Variants in CPE observed in about 807,000 individuals in gnomAD.
The protein encoded by CPE is carbocypeptidase E.
A neutral mutation model predicts 53.5 loss-of-function variants in CPE; 17 were observed. That is an observed-to-expected ratio of 0.32 (90% confidence interval 0.22 to 0.48). The LOEUF is 0.48. CPE is among the 20% of genes least tolerant of loss of function. The pLI is 0.99. For synonymous variants in CPE, 226 were observed against 228.8 expected (o/e 0.99, Z 0.11); for missense variants, 524 against 614.7 (o/e 0.85, Z 1.56).
intron 1 of CPE, among the ~76,000 whole-genome samples, chr4:165,461,520 G>A (rs565223803): frequency 6.6e-6 from 1 of 152,224 alleles, no homozygotes; most frequent in East Asian, 1.9e-4. Flanking sequence ...GTTTTAAAAA[G>A]AAAGCTTTGG....
intron 3 of CPE, among the ~76,000 whole-genome samples, chr4:165,473,014 G>A (rs2126705799): frequency 6.6e-6 from 1 of 152,334 alleles, no homozygotes; most frequent in African/African-American, 2.4e-5. Flanking sequence ...TAGGGGGCAT[G>A]GGTAACTCTG....
intron 1 of CPE, among the ~76,000 whole-genome samples, chr4:165,437,188 GA>G (rs1353967518): frequency 1.3e-5 from 2 of 152,280 alleles, no homozygotes; most frequent in African/African-American, 4.8e-5. Context: ...GCTCATATCT[GA>G]AACAGTTGCT....
intron 3 of CPE, among the ~76,000 whole-genome samples, chr4:165,480,359 G>T (rs1732383794): frequency 1.3e-5 from 2 of 152,178 alleles, no homozygotes; most frequent in African/African-American, 4.8e-5. Flanking sequence ...TTTTGGTCAA[G>T]TCATTCAATT....
chr4:165,494,482 G>C (rs1186808118), intron 7 of CPE, among the ~76,000 whole-genome samples: 1 of 152,186 alleles, frequency 6.6e-6, no homozygotes, highest in Non-Finnish European at 1.5e-5. Flanking sequence ...AGAAAATGAA[G>C]TGTGTTGTCC....
chr4:165,390,854 T>C (rs1579239613), intron 1 of CPE, among the ~76,000 whole-genome samples: 2 of 152,312 alleles, frequency 1.3e-5, no homozygotes, highest in South Asian at 4.1e-4. Flanking sequence ...GGTTGTATGT[T>C]GAGGACAACT....
At chr4:165,380,103 A>G (rs560276029) in intron 1 of CPE, among the ~76,000 whole-genome samples, 1 of 152,246 alleles carries the variant, frequency 6.6e-6, no homozygotes, top group Non-Finnish European at 1.5e-5. Flanking sequence ...GTGTGTGTAT[A>G]CGTATTAGGT....
chr4:165,461,392 G>A (rs953672909), intron 1 of CPE, among the ~76,000 whole-genome samples: 1 of 151,994 alleles, frequency 6.6e-6, no homozygotes, highest in Admixed American at 6.6e-5. Flanking sequence ...GCCTTGAGAG[G>A]CACCACGCCA....
At chr4:165,384,794 A>T (rs1730562324) in intron 1 of CPE, among the ~76,000 whole-genome samples, 1 of 152,234 alleles carries the variant, frequency 6.6e-6, no homozygotes, top group Non-Finnish European at 1.5e-5. Context: ...AGAGGGCCTC[A>T]TACAGGGAGC....
chr4:165,464,579 C>A lies in CPE; in HGVS notation c.497C>A (p.Ala166Glu). The change falls in exon 2 of 9, where the codon GCG becomes GAG. Residue 166 changes from alanine (A) to glutamate (E), a missense_variant. Coordinates refer to ENST00000402744, the MANE Select transcript of CPE (RefSeq NM_001873.4). Reference sequence around the variant, plus strand: ...AACCCAGATGGCTTTGAGAAGGCAGCGTCTCAGGTGAGTGCCAGGCAGCTC... The same window carrying A: ...AACCCAGATGGCTTTGAGAAGGCAGAGTCTCAGGTGAGTGCCAGGCAGCTC... ...SLNPDGFEKA[A>E]SQPGELKDWF... 4 of 1,608,752 alleles carry A rather than the reference C, an allele frequency of 2.5e-6. No individual in the cohort carries two copies. Among genetic ancestry groups the A allele is most frequent in the Non-Finnish European group, 3.4e-6 (4 of 1,176,670 alleles).
chr4:165,444,948 CTTATT>C (rs202083082), intron 1 of CPE, among the ~76,000 whole-genome samples: 45,825 of 151,648 alleles, frequency 0.3, 7,335 homozygotes, highest in Middle Eastern at 0.42. Context: ...TCTCTTTCTT[CTTATT>C]TTATTTTTTT....
At chr4:165,435,459 G>A (rs752102826) in intron 1 of CPE, among the ~76,000 whole-genome samples, 2 of 152,102 alleles carry the variant, frequency 1.3e-5, no homozygotes, top group Non-Finnish European at 2.9e-5. Flanking sequence ...AACATGTTAT[G>A]GGTTATTATA....
intron 1 of CPE, among the ~76,000 whole-genome samples, chr4:165,407,756 A>G (rs1255969135): frequency 6.6e-6 from 1 of 151,808 alleles, no homozygotes; most frequent in Non-Finnish European, 1.5e-5. Context: ...GGGTTTTGCC[A>G]TGTTGGCCAG....
At chr4:165,477,720 T>A (rs1267486877) in intron 3 of CPE, among the ~76,000 whole-genome samples, 1 of 145,788 alleles carries the variant, frequency 6.9e-6, no homozygotes, top group African/African-American at 2.6e-5. Flanking sequence ...CTCCTTTGTA[T>A]AGCTGTGAGA....
intron 1 of CPE, among the ~76,000 whole-genome samples, chr4:165,399,216 A>C (rs879915654): frequency 4.6e-5 from 7 of 152,230 alleles, no homozygotes; most frequent in Non-Finnish European, 8.8e-5. Context: ...ATCAGAGCAT[A>C]AACAGCTGTC....
intron 1 of CPE, among the ~76,000 whole-genome samples, chr4:165,397,408 G>T (rs1421053215): frequency 6.6e-6 from 1 of 152,152 alleles, no homozygotes; most frequent in East Asian, 1.9e-4. Flanking sequence ...ACCAAGATTA[G>T]AATATACATG....
chr4:165,493,385 A>C (rs765709925), intron 7 of CPE, 115 bp downstream of exon 7: 5 of 713,114 alleles, frequency 7.0e-6, no homozygotes, highest in Non-Finnish European at 1.1e-5. Context: ...GTATCTCTAC[A>C]GCGTTTCTCA....
At chr4:165,413,146 A>G (rs939691112) in intron 1 of CPE, among the ~76,000 whole-genome samples, 1 of 152,170 alleles carries the variant, frequency 6.6e-6, no homozygotes, top group Non-Finnish European at 1.5e-5. Context: ...TGGCCTCAAC[A>G]TTCTTTTCTT....
intron 6 of CPE, among the ~76,000 whole-genome samples, chr4:165,492,939 C>CT (rs970026354): frequency 1.4e-4 from 21 of 152,072 alleles, no homozygotes; most frequent in African/African-American, 3.1e-4. Flanking sequence ...GTACTAAAAT[C>CT]TTTTTTTTGG....
intron 1 of CPE, among the ~76,000 whole-genome samples, chr4:165,436,055 C>T (rs957925666): frequency 2.0e-5 from 3 of 152,090 alleles, no homozygotes; most frequent in Admixed American, 2.0e-4. Context: ...TTCCCAAACT[C>T]AAATATTTAG....
Sources: gnomAD v4.1 joint callset for allele counts (sites outside exome capture counted in the v4.1 genomes callset) on GRCh38, gnomAD v4.1.1 for gene constraint, MANE v1.5 for transcripts, NCBI Gene and HGNC (gene_info 2026-07-23, HGNC 2026-07-21) for gene names.